Variants in GLIS3 observed in about 807,000 individuals in gnomAD.
GLIS3 encodes zinc finger protein GLIS3.
In GLIS3, 53 loss-of-function variants were observed where a neutral mutation model predicts 78.6. The observed-to-expected ratio is 0.67, with a 90% CI of 0.54 to 0.85. The LOEUF (loss-of-function observed/expected upper bound fraction) is 0.85, where lower values mean the gene tolerates loss of function less well. Among genes scored for constraint, GLIS3 ranks in the 40% least tolerant of loss-of-function variants. The pLI, the probability that GLIS3 is intolerant of heterozygous loss-of-function variation, is 0.00. For missense variants in GLIS3, 1,703 were observed against 1,231.1 expected (o/e 1.38, Z -5.74); for synonymous variants, 684 against 509.9 (o/e 1.34, Z -4.60).
intron 3 of GLIS3, among the ~76,000 whole-genome samples, chr9:4,122,082 A>T (rs1377467219): frequency 6.6e-6 from 1 of 152,214 alleles, no homozygotes; most frequent in Non-Finnish European, 1.5e-5. Context: ...GAACAAAATA[A>T]AACTAATAGG....
intron 2 of GLIS3, among the ~76,000 whole-genome samples, chr9:4,267,018 G>C (rs553442885): frequency 4.6e-5 from 7 of 152,196 alleles, no homozygotes; most frequent in African/African-American, 9.6e-5. Flanking sequence ...TAAAAATCAA[G>C]ACTTGGAAAA....
intron 9 of GLIS3, among the ~76,000 whole-genome samples, chr9:3,853,688 T>C (rs1819582150): frequency 6.6e-6 from 1 of 152,222 alleles, no homozygotes; most frequent in South Asian, 2.1e-4. Flanking sequence ...GGTAGACTAG[T>C]GTTTGCATTC....
the GLIS3 span, among the ~76,000 whole-genome samples, chr9:4,444,269 T>A: frequency 1.3e-5 from 2 of 152,254 alleles, no homozygotes; most frequent in African/African-American, 4.8e-5. Flanking sequence ...AAGAACAGCA[T>A]AATAATTACT....
intron 2 of GLIS3, among the ~76,000 whole-genome samples, chr9:4,133,326 G>A (rs538368031): frequency 6.6e-6 from 1 of 152,316 alleles, no homozygotes; most frequent in Admixed American, 6.5e-5. Flanking sequence ...TGGAACAATT[G>A]TTTTCCAATC....
intron 4 of GLIS3, among the ~76,000 whole-genome samples, chr9:4,015,340 C>A (rs1057409937): frequency 6.6e-6 from 1 of 152,126 alleles, no homozygotes; most frequent in African/African-American, 2.4e-5. Flanking sequence ...GAAACGCATA[C>A]CAAAGTAAGA....
chr9:3,993,246 G>T (rs1820474406), intron 4 of GLIS3, among the ~76,000 whole-genome samples: 1 of 152,116 alleles, frequency 6.6e-6, no homozygotes, highest in African/African-American at 2.4e-5. Context: ...GTCAGATCAG[G>T]ATCTCTTTGT....
At chr9:4,372,554 T>A in the GLIS3 span, among the ~76,000 whole-genome samples, 339 of 137,830 alleles carry the variant, frequency 2.5e-3, no homozygotes, top group Non-Finnish European at 3.3e-3. Context: ...GACCCTCCAA[T>A]AAAAAAAAAA....
At chr9:3,877,245 A>C (rs1821376429) in intron 8 of GLIS3, among the ~76,000 whole-genome samples, 1 of 147,814 alleles carries the variant, frequency 6.8e-6, no homozygotes, top group East Asian at 1.9e-4. Flanking sequence ...TATAAAATGC[A>C]TTTTTTTAAA....
intron 4 of GLIS3, among the ~76,000 whole-genome samples, chr9:3,946,823 C>T (rs558928368): frequency 1.3e-5 from 2 of 152,258 alleles, no homozygotes; most frequent in East Asian, 1.9e-4. Context: ...TTTTAAATTG[C>T]CCTTTAAAAG....
intron 2 of GLIS3, among the ~76,000 whole-genome samples, chr9:4,281,946 CTGTT>C (rs1437063992): frequency 6.6e-6 from 1 of 152,194 alleles, no homozygotes; most frequent in African/African-American, 2.4e-5. Context: ...CTTTAACACA[CTGTT>C]TGGGAACCAC....
chr9:3,914,893 A>T (rs1412227434), intron 6 of GLIS3, among the ~76,000 whole-genome samples: 1 of 152,182 alleles, frequency 6.6e-6, no homozygotes, highest in Admixed American at 6.5e-5. Context: ...TCTTCCCCTG[A>T]TGTGATGCCA....
At chr9:3,851,738 C>G (rs1375707897) in intron 9 of GLIS3, among the ~76,000 whole-genome samples, 1 of 151,904 alleles carries the variant, frequency 6.6e-6, no homozygotes, top group Non-Finnish European at 1.5e-5. Flanking sequence ...TCATAGCTCT[C>G]TGTAATGCAA....
chr9:4,058,163 A>G (rs1325859565), intron 4 of GLIS3, among the ~76,000 whole-genome samples: 1 of 152,172 alleles, frequency 6.6e-6, no homozygotes, highest in Non-Finnish European at 1.5e-5. Context: ...AAGTAAATCC[A>G]GGATTTAGCT....
chr9:3,850,126 T>C (rs1051683456), intron 9 of GLIS3, among the ~76,000 whole-genome samples: 3 of 152,150 alleles, frequency 2.0e-5, no homozygotes, highest in Non-Finnish European at 4.4e-5. Flanking sequence ...CAAGAGGAAA[T>C]TTAGGCAGGC....
chr9:4,189,375 C>T, intron 2 of GLIS3, among the ~76,000 whole-genome samples: 1 of 152,116 alleles, frequency 6.6e-6, no homozygotes. Context: ...GTTATAATTT[C>T]TGTTCTTTTA....
intron 2 of GLIS3, among the ~76,000 whole-genome samples, chr9:4,174,109 A>G (rs754247121): frequency 2.0e-4 from 30 of 152,244 alleles, no homozygotes; most frequent in Non-Finnish European, 4.4e-4. Context: ...CTTTTGCAGC[A>G]GAGACCTCAC....
intron 2 of GLIS3, among the ~76,000 whole-genome samples, chr9:4,175,000 T>G (rs148073364): frequency 6.6e-6 from 1 of 152,190 alleles, no homozygotes; most frequent in Non-Finnish European, 1.5e-5. Context: ...GATCAGAGTG[T>G]ACTTAATTGA....
At chr9:4,111,451 C>T (rs539389067) in intron 4 of GLIS3, among the ~76,000 whole-genome samples, 1 of 152,260 alleles carries the variant, frequency 6.6e-6, no homozygotes, top group Admixed American at 6.5e-5. Flanking sequence ...GGTCAGTTCC[C>T]CAGGTAAACT....
At chr9:4,362,336 G>C in the GLIS3 span, among the ~76,000 whole-genome samples, 2 of 151,970 alleles carry the variant, frequency 1.3e-5, no homozygotes, top group South Asian at 2.1e-4. Flanking sequence ...TCTTTTTGCT[G>C]ACTGGCTTGT....
Sources: allele counts gnomAD v4.1 joint callset (sites outside exome capture counted in the v4.1 genomes callset), GRCh38; gene constraint gnomAD v4.1.1; transcripts MANE v1.5; gene names NCBI Gene and HGNC (gene_info 2026-07-23, HGNC 2026-07-21).